The following VWA3B variants were observed in gnomAD, a reference collection of about 807,000 sequenced individuals.
VWA3B encodes von Willebrand factor A domain containing 3B.
Under a neutral mutation model 158.3 loss-of-function variants are expected in VWA3B, and 138 were observed. The observed-to-expected ratio is 0.87, with a 90% CI of 0.76 to 1.00. The LOEUF (loss-of-function observed/expected upper bound fraction) is 1.00, where lower values mean the gene tolerates loss of function less well. Among genes scored for constraint, VWA3B ranks in the 50% least tolerant of loss-of-function variants. VWA3B has a pLI of 0.00. For synonymous variants in VWA3B, 596 were observed against 587.3 expected (o/e 1.01, Z -0.21); for missense variants, 1,555 against 1,565.1 (o/e 0.99, Z 0.11).
At position 98,267,485 on chromosome 2, in the gene VWA3B, A is replaced by G. The variant is rs1385273389; in HGVS notation, c.2844-3197A>G. 2.0e-5 allele frequency among the ~76,000 whole-genome samples: 3 copies of G among 152,236 alleles called. No individual in the cohort carries two copies. The East Asian group carries it at 5.8e-4, about 29-fold the overall frequency. On this transcript the variant is annotated intron_variant, in intron 21 of 27. Coordinates refer to ENST00000477737, the MANE Select transcript of VWA3B (RefSeq NM_144992.5). The stretch of plus-strand genomic sequence containing the variant: ...AGGCAGAAATAAAGATGTTCTTTGA[A>G]ACCAACGAGAACAAAGACACAACAT...
chr2:98,132,693 C>T (rs912889958), intron 6 of VWA3B, among the ~76,000 whole-genome samples: 1 of 152,224 alleles, frequency 6.6e-6, no homozygotes, highest in African/African-American at 2.4e-5. Flanking sequence ...AAACCTCACC[C>T]ATCTCCCCTC....
chr2:98,231,760 T>C (rs1447953847), intron 16 of VWA3B, among the ~76,000 whole-genome samples: 1 of 152,214 alleles, frequency 6.6e-6, no homozygotes, highest in East Asian at 1.9e-4. Context: ...ATAGGCTTTT[T>C]CTTCTTTAGT....
chr2:98,152,828 T>C (rs1677745032), intron 7 of VWA3B, among the ~76,000 whole-genome samples: 1 of 152,222 alleles, frequency 6.6e-6, no homozygotes, highest in South Asian at 2.1e-4. Flanking sequence ...GCACCCAGGC[T>C]GAAAGCCATG....
intron 5 of VWA3B, among the ~76,000 whole-genome samples, chr2:98,127,843 T>C (rs904517351): frequency 6.6e-6 from 1 of 152,212 alleles, no homozygotes; most frequent in African/African-American, 2.4e-5. Flanking sequence ...TGAGTTTGCA[T>C]TGTAGGATTC....
At chr2:98,291,217 G>C (rs1170830379) in intron 23 of VWA3B, 1 of 153,394 alleles carries the variant, frequency 6.5e-6, no homozygotes, top group Non-Finnish European at 1.4e-5. Context: ...CGGTGCCCAG[G>C]CCTCAGGGTG....
Position 98,087,254 on chromosome 2 carries a change from A to C in VWA3B, c.-142A>C, listed in dbSNP as rs1159656964. On this transcript the variant is annotated 5_prime_UTR_variant, in exon 1 of 28. Coordinates refer to ENST00000477737, the MANE Select transcript of VWA3B (RefSeq NM_144992.5). ...GCCCGCCGGAATCGCTGCCTTATCC[A>C]CCAGCGGGATGCTTACCTCGCCCGC... 1 of 152,024 alleles carries C rather than the reference A, an allele frequency of 6.6e-6. No individual in the cohort carries two copies. Among genetic ancestry groups the C allele is most frequent in the Non-Finnish European group, 1.5e-5 (1 of 68,000 alleles). The allele number at this position is 152,024 out of a possible 1,614,324, so 9.4% of individuals were successfully genotyped here.
rs553536638 is a variant in VWA3B, at chr2:98,252,147, C to T, written c.2792+1711C>T. Among the ~76,000 whole-genome samples the T allele has an allele frequency of 1.3e-3, 192 of 152,200 alleles. 3 individuals carry two copies. The highest frequency in any genetic ancestry group is 2.0e-3 in the African/African-American group (83 of 41,488). On this transcript the variant is annotated intron_variant, in intron 20 of 27. Coordinates refer to ENST00000477737, the MANE Select transcript of VWA3B (RefSeq NM_144992.5). Reference sequence around the variant, plus strand: ...GGAGCTCCTCTCAGCGCCCACCCTTCGTGTGGCCCTCAGAGCACTCACAGC... The same window carrying T: ...GGAGCTCCTCTCAGCGCCCACCCTTTGTGTGGCCCTCAGAGCACTCACAGC...
At chr2:98,326,356 A>G in the VWA3B span, among the ~76,000 whole-genome samples, 1 of 152,260 alleles carries the variant, frequency 6.6e-6, no homozygotes. Context: ...GAAACAAAGT[A>G]TAAATTACCT....
intron 7 of VWA3B, among the ~76,000 whole-genome samples, chr2:98,143,382 T>C: frequency 6.6e-6 from 1 of 152,322 alleles, no homozygotes; most frequent in East Asian, 1.9e-4. Context: ...CACCTGTTTC[T>C]TTTTACTTTC....
At chr2:98,198,123 G>T (rs925026882) in intron 12 of VWA3B, among the ~76,000 whole-genome samples, 1 of 151,648 alleles carries the variant, frequency 6.6e-6, no homozygotes, top group African/African-American at 2.4e-5. Context: ...TATTAAATAA[G>T]CAAACAAATC....
chr2:98,102,526 C>T (rs913115939), intron 2 of VWA3B, among the ~76,000 whole-genome samples: 15 of 152,024 alleles, frequency 9.9e-5, no homozygotes, highest in Non-Finnish European at 1.9e-4. Context: ...GACGGGGTGG[C>T]GGCCAGGCAG....
chr2:98,265,139 C>A (rs867934516), intron 21 of VWA3B, among the ~76,000 whole-genome samples: 2 of 151,124 alleles, frequency 1.3e-5, no homozygotes, highest in Non-Finnish European at 3.0e-5. Context: ...GTGCGCTGCA[C>A]CCACTAACTC....
At chr2:98,273,076 A>G (rs1236659649) in intron 22 of VWA3B, among the ~76,000 whole-genome samples, 1 of 152,226 alleles carries the variant, frequency 6.6e-6, no homozygotes, top group Admixed American at 6.5e-5. Flanking sequence ...CACAAAACGA[A>G]CTAAGAGAGA....
At chr2:98,092,091 G>A (rs1271344108) in intron 1 of VWA3B, among the ~76,000 whole-genome samples, 1 of 152,220 alleles carries the variant, frequency 6.6e-6, no homozygotes, top group Non-Finnish European at 1.5e-5. Context: ...CAAAGCCCCA[G>A]ACAATAAAAC....
chr2:98,328,411 T>C, the VWA3B span, among the ~76,000 whole-genome samples: 59 of 152,300 alleles, frequency 3.9e-4, 1 homozygote, highest in Admixed American at 2.2e-3. Context: ...CAAAAATATT[T>C]ATATTTGCTA....
At chr2:98,104,498 T>A (rs1480383363) in intron 2 of VWA3B, among the ~76,000 whole-genome samples, 1 of 152,214 alleles carries the variant, frequency 6.6e-6, no homozygotes, top group Non-Finnish European at 1.5e-5. Context: ...CCCACGAGAA[T>A]GTCACCAAGC....
chr2:98,142,274 C>T (rs1158672282), intron 7 of VWA3B, among the ~76,000 whole-genome samples: 1 of 152,182 alleles, frequency 6.6e-6, no homozygotes, highest in Non-Finnish European at 1.5e-5. Flanking sequence ...CCTGCCCCGC[C>T]TCCCTGGATT....
At chr2:98,192,019 C>T (rs561076141) in intron 10 of VWA3B, among the ~76,000 whole-genome samples, 79 of 152,336 alleles carry the variant, frequency 5.2e-4, no homozygotes, top group African/African-American at 1.7e-3. Flanking sequence ...CGCAGTCCTT[C>T]TCACACAGCC....
rs1574247562 is a variant in VWA3B, at chr2:98,270,873, C to A, written c.3035C>A (p.Ala1012Asp). The A allele has an allele frequency of 6.2e-7, 1 of 1,613,786 alleles. No individual in the cohort carries two copies. The highest frequency in any genetic ancestry group is 2.2e-5 in the East Asian group (1 of 44,872). The change falls in exon 22 of 28, where the codon GCC (alanine) becomes GAC (aspartate). Residue 1012 changes from alanine to aspartate, a missense_variant. Physicochemically the swap from Ala to Asp is moderately radical, Grantham distance 126 (BLOSUM62 -2). Coordinates refer to ENST00000477737, the MANE Select transcript of VWA3B (RefSeq NM_144992.5). ...EAAKKNYANK[A>D]PGEQQKLQGN... ...GCCAAGAAGAATTATGCAAACAAGG[C>A]CCCGGGAGAGGTGGGTGCCCTGGAG...
Sources: allele counts gnomAD v4.1 joint callset (sites outside exome capture counted in the v4.1 genomes callset), GRCh38; gene constraint gnomAD v4.1.1; transcripts MANE v1.5; gene names NCBI Gene and HGNC (gene_info 2026-07-23, HGNC 2026-07-21).